Variants in UNC13C observed in about 807,000 individuals in gnomAD.
The protein encoded by UNC13C is unc-13 homolog C.
Under a neutral mutation model 245.4 loss-of-function variants are expected in UNC13C, and 174 were observed. The observed-to-expected ratio is 0.71, with a 90% CI of 0.63 to 0.80. The LOEUF (loss-of-function observed/expected upper bound fraction) is 0.80. Ranked by LOEUF, UNC13C falls within the 30% of genes least tolerant of loss-of-function variation. UNC13C has a pLI of 0.00. For missense variants in UNC13C, 2,829 were observed against 2,602.9 expected (o/e 1.09, Z -1.89); for synonymous variants, 992 against 895.1 (o/e 1.11, Z -1.93).
At chr15:54,155,045 A>G (rs548092857) in intron 4 of UNC13C, among the ~76,000 whole-genome samples, 5 of 152,376 alleles carry the variant, frequency 3.3e-5, no homozygotes, top group African/African-American at 1.2e-4. Context: ...TCCAATCTTA[A>G]TGTCCTATCC....
chr15:54,252,091 TA>T (rs1220043568), intron 8 of UNC13C, among the ~76,000 whole-genome samples: 1 of 152,196 alleles, frequency 6.6e-6, no homozygotes, highest in African/African-American at 2.4e-5. Flanking sequence ...CCCAACTGTT[TA>T]AAAAGTGAAT....
rs1290259773 is a variant in UNC13C, at chr15:54,455,196, T to C, written c.4934-39412T>C. On this transcript the variant is annotated intron_variant, in intron 19 of 32. Transcript: ENST00000260323. Reference sequence around the variant, plus strand: ...CTCTCTCTCTCTCTCTCTCTCTCTCTCTCTCTCTCTATATATATATATATA... The same window carrying C: ...CTCTCTCTCTCTCTCTCTCTCTCTCCCTCTCTCTCTATATATATATATATA... Among the ~76,000 whole-genome samples, 120 of 57,294 alleles carry C rather than the reference T, an allele frequency of 2.1e-3. 10 individuals are homozygous for C. Among genetic ancestry groups the C allele is most frequent in the East Asian group, 0.016 (22 of 1,360 alleles). The allele number at this position is 57,294 out of a possible 152,430, so 37.6% of individuals were successfully genotyped here.
At chr15:54,216,134 C>T (rs945029435) in intron 4 of UNC13C, among the ~76,000 whole-genome samples, 1 of 152,010 alleles carries the variant, frequency 6.6e-6, no homozygotes, top group South Asian at 2.1e-4. Flanking sequence ...TTGGATATCT[C>T]TTGGATACTA....
chr15:54,326,712 C>T (rs1207144365), intron 14 of UNC13C, among the ~76,000 whole-genome samples: 3 of 151,994 alleles, frequency 2.0e-5, no homozygotes, highest in African/African-American at 7.2e-5. Flanking sequence ...GTGGGAGGAA[C>T]ATATTAATAG....
At position 54,013,776 on chromosome 15, in the gene UNC13C, G is replaced by A. The variant is rs1051409007; in HGVS notation, c.873G>A (p.Leu291=). The A allele has an allele frequency of 3.7e-6, 6 of 1,611,098 alleles. No individual in the cohort carries two copies. The highest frequency in any genetic ancestry group is 4.2e-6 in the Non-Finnish European group (5 of 1,178,604). ...VEVVQSEIEQ[L]RTGFVQSRRE... is the part of the protein sequence containing the mutation. The stretch of plus-strand genomic sequence containing the variant: ...TTGTACAAAGTGAAATTGAGCAGTT[G>A]CGCACAGGGTTTGTCCAGTCTCGGA... Residue 291 remains leucine (L), a synonymous_variant, in exon 2 of 33, where the codon TTG becomes TTA. Transcript: ENST00000260323.
At chr15:54,289,863 A>G (rs546611220) in intron 10 of UNC13C, among the ~76,000 whole-genome samples, 1 of 152,196 alleles carries the variant, frequency 6.6e-6, no homozygotes, top group South Asian at 2.1e-4. Flanking sequence ...CTTTGAGTTT[A>G]CACCTTGCTT....
chr15:54,109,976 C>T (rs1900682835), intron 2 of UNC13C, among the ~76,000 whole-genome samples: 1 of 152,018 alleles, frequency 6.6e-6, no homozygotes, highest in African/African-American at 2.4e-5. Flanking sequence ...GCAGGTCCTT[C>T]TGTTTAAAGT....
At chr15:54,071,144 G>A (rs1898307609) in intron 2 of UNC13C, among the ~76,000 whole-genome samples, 1 of 151,990 alleles carries the variant, frequency 6.6e-6, no homozygotes, top group South Asian at 2.1e-4. Context: ...ATATAGACTA[G>A]GCATAGCCAC....
chr15:54,154,839 A>ATT (rs1354312689), intron 4 of UNC13C, among the ~76,000 whole-genome samples: 1 of 152,222 alleles, frequency 6.6e-6, no homozygotes, highest in Non-Finnish European at 1.5e-5. Flanking sequence ...CTCATTGGAC[A>ATT]GAACGTGGAT....
chr15:53,873,877 A>G, the UNC13C span, among the ~76,000 whole-genome samples: 1 of 111,744 alleles, frequency 8.9e-6, no homozygotes, highest in Admixed American at 9.1e-5. Context: ...CTTTCTTTCT[A>G]TCTCTTCTCT....
chr15:54,235,021 G>C lies in UNC13C; in HGVS notation c.3072-9G>C, dbSNP rs2035652998. The C allele has an allele frequency of 6.2e-7, 1 of 1,613,036 alleles. No individual in the cohort carries two copies. Among genetic ancestry groups the C allele is most frequent in the Non-Finnish European group, 8.5e-7 (1 of 1,179,370 alleles). ...CCATTGCAATTATTGGTTTTATTTTGTCTTTCAGGGCTGGAGGTGGACTTT... is the reference window on the plus strand; with the variant it reads ...CCATTGCAATTATTGGTTTTATTTTCTCTTTCAGGGCTGGAGGTGGACTTT... On this transcript the variant is annotated splice_polypyrimidine_tract_variant and intron_variant, in intron 4 of 32. Transcript: ENST00000260323.
chr15:54,391,573 G>T (rs1167485514), intron 17 of UNC13C, among the ~76,000 whole-genome samples: 1 of 151,942 alleles, frequency 6.6e-6, no homozygotes, highest in African/African-American at 2.4e-5. Flanking sequence ...TGTTCTCGGG[G>T]ATCATATATA....
At position 54,604,205 on chromosome 15, in the gene UNC13C, T is replaced by A. The variant is rs55940505; in HGVS notation, c.6107-18122T>A. Among the ~76,000 whole-genome samples the A allele has an allele frequency of 8.9e-3, 1,354 of 152,262 alleles. 12 individuals are homozygous for A. Among genetic ancestry groups the A allele is most frequent in the Non-Finnish European group, 0.013 (905 of 68,024 alleles). ...TCCTAGCATTGTGTATATCACAATG[T>A]GGTCTGATGACACTGTCACATGTCA... On this transcript the variant is annotated intron_variant, in intron 30 of 32. Transcript: ENST00000260323.
chr15:54,127,470 C>G lies in UNC13C; in HGVS notation c.2984-15548C>G, dbSNP rs147082916. Among the ~76,000 whole-genome samples, 1,436 of 152,076 alleles carry G rather than the reference C, an allele frequency of 9.4e-3. 8 individuals are homozygous for G. Among genetic ancestry groups the G allele is most frequent in the Non-Finnish European group, 0.016 (1,060 of 67,998 alleles). On this transcript the variant is annotated intron_variant, in intron 2 of 32. Transcript: ENST00000260323. ...TAACACAGGAACAGAAAACCAAACACCGCATGTTCTCACTCATAAATGGGA... is the reference window on the plus strand; with the variant it reads ...TAACACAGGAACAGAAAACCAAACAGCGCATGTTCTCACTCATAAATGGGA...
At chr15:54,254,650 G>A (rs1214515187) in intron 8 of UNC13C, among the ~76,000 whole-genome samples, 3 of 152,192 alleles carry the variant, frequency 2.0e-5, no homozygotes, top group Admixed American at 2.0e-4. Flanking sequence ...CTTTGGCTGA[G>A]TTCAGAAGAT....
intron 28 of UNC13C, 138 bp downstream of exon 28, chr15:54,549,829 G>T: frequency 1.7e-6 from 1 of 587,458 alleles, no homozygotes; most frequent in South Asian, 2.8e-5. Context: ...TCTGCTTTAG[G>T]AATTTTTAAC....
At chr15:54,008,729 A>G (rs1194062616) in intron 1 of UNC13C, among the ~76,000 whole-genome samples, 2 of 152,136 alleles carry the variant, frequency 1.3e-5, no homozygotes, top group African/African-American at 2.4e-5. Context: ...AGGAGTAGGT[A>G]TGTGGGTTTG....
chr15:54,525,448 G>T, intron 24 of UNC13C, 101 bp from the exon 25 acceptor site: 2 of 606,114 alleles, frequency 3.3e-6, no homozygotes, highest in Non-Finnish European at 5.3e-6. Context: ...AAGCTTACAT[G>T]TTGTTTGAAG....
At chr15:53,980,244 G>A (rs1893873751) in intron 1 of UNC13C, among the ~76,000 whole-genome samples, 1 of 152,086 alleles carries the variant, frequency 6.6e-6, no homozygotes, top group Admixed American at 6.5e-5. Flanking sequence ...AACAAAATGA[G>A]GAAATCATTT....
Sources: allele counts gnomAD v4.1 joint callset (sites outside exome capture counted in the v4.1 genomes callset), GRCh38; gene constraint gnomAD v4.1.1; transcripts MANE v1.5; gene names NCBI Gene and HGNC (gene_info 2026-07-23, HGNC 2026-07-21).